Variants in SUPT3H observed in about 807,000 individuals in gnomAD.
The protein encoded by SUPT3H is SPT3 homolog, SAGA and STAGA complex component.
SUPT3H carries 44 observed loss-of-function variants against 44.3 expected under a neutral mutation model. That is an observed-to-expected ratio of 0.99 (90% CI 0.78 to 1.28). The LOEUF is 1.28. Ranked by LOEUF, SUPT3H falls within the 50% of genes most tolerant of loss-of-function variation. The probability of loss-of-function intolerance (pLI) is 0.00; values close to 1 mark genes in which losing one functional copy is unlikely to be tolerated. For missense variants in SUPT3H, 380 were observed against 387.1 expected (o/e 0.98, Z 0.15); for synonymous variants, 124 against 125.6 (o/e 0.99, Z 0.09).
intron 10 of SUPT3H, among the ~76,000 whole-genome samples, chr6:44,863,385 G>C (rs1774975509): frequency 6.6e-6 from 1 of 152,238 alleles, no homozygotes; most frequent in South Asian, 2.1e-4. Context: ...AAAAGCAACG[G>C]TGAGTTCTAG....
At chr6:45,334,142 T>C (rs559671933) in intron 2 of SUPT3H, among the ~76,000 whole-genome samples, 1 of 151,278 alleles carries the variant, frequency 6.6e-6, no homozygotes, top group African/African-American at 2.4e-5. Flanking sequence ...TTACATCAGA[T>C]TAGTGACATT....
intron 2 of SUPT3H, among the ~76,000 whole-genome samples, chr6:45,125,376 TC>T (rs1194099870): frequency 1.3e-5 from 2 of 152,224 alleles, no homozygotes; most frequent in Non-Finnish European, 2.9e-5. Context: ...ACATTTTTTT[TC>T]TACAATACTT....
At chr6:44,863,885 G>C (rs1307335350) in intron 10 of SUPT3H, among the ~76,000 whole-genome samples, 1 of 151,958 alleles carries the variant, frequency 6.6e-6, no homozygotes, top group Non-Finnish European at 1.5e-5. Context: ...TCAAACATCA[G>C]ATCTCGTGAC....
chr6:44,879,553 C>T (rs1777870135), intron 10 of SUPT3H, among the ~76,000 whole-genome samples: 2 of 151,982 alleles, frequency 1.3e-5, no homozygotes, highest in African/African-American at 4.8e-5. Context: ...CAGTGGATCT[C>T]CCAGCACAGC....
intron 10 of SUPT3H, among the ~76,000 whole-genome samples, chr6:44,889,005 T>A (rs559257598): frequency 8.5e-4 from 121 of 143,148 alleles, no homozygotes; most frequent in African/African-American, 3.0e-3. Context: ...ATGAGTGAAC[T>A]CCCATGCACA....
intron 3 of SUPT3H, among the ~76,000 whole-genome samples, chr6:45,104,728 T>C (rs932329083): frequency 1.3e-5 from 2 of 151,812 alleles, no homozygotes; most frequent in African/African-American, 4.8e-5. Context: ...TAACAAGAAA[T>C]GTGTGAAGCT....
At chr6:45,204,777 C>A (rs142829481) in intron 2 of SUPT3H, among the ~76,000 whole-genome samples, 5 of 152,106 alleles carry the variant, frequency 3.3e-5, no homozygotes, top group Admixed American at 3.3e-4. Context: ...AGGCTGAAAC[C>A]CAAAATCACC....
At chr6:44,984,582 G>C (rs1477658405) in intron 6 of SUPT3H, among the ~76,000 whole-genome samples, 1 of 152,040 alleles carries the variant, frequency 6.6e-6, no homozygotes, top group Non-Finnish European at 1.5e-5. Flanking sequence ...GCGATCCCCA[G>C]TCTCTACATG....
intron 10 of SUPT3H, among the ~76,000 whole-genome samples, chr6:44,837,736 C>T (rs1483444397): frequency 6.6e-6 from 1 of 152,162 alleles, no homozygotes; most frequent in Non-Finnish European, 1.5e-5. Flanking sequence ...TAAAACAACA[C>T]TGTGAAATTA....
intron 2 of SUPT3H, among the ~76,000 whole-genome samples, chr6:45,113,724 G>GA (rs1268647840): frequency 1.3e-5 from 2 of 151,880 alleles, no homozygotes; most frequent in African/African-American, 2.4e-5. Context: ...CAGCTACTTG[G>GA]GAGGTTGAGG....
intron 2 of SUPT3H, among the ~76,000 whole-genome samples, chr6:45,324,314 T>G (rs921589622): frequency 5.9e-5 from 9 of 152,014 alleles, no homozygotes; most frequent in Non-Finnish European, 8.8e-5. Flanking sequence ...CATAAAAGGA[T>G]TCAAGAAACA....
intron 10 of SUPT3H, among the ~76,000 whole-genome samples, chr6:44,877,573 C>T (rs140291359): frequency 6.6e-6 from 1 of 152,100 alleles, no homozygotes; most frequent in African/African-American, 2.4e-5. Context: ...AGTGTACTAC[C>T]AGGAAAACCC....
intron 2 of SUPT3H, among the ~76,000 whole-genome samples, chr6:45,116,524 G>A (rs1800868146): frequency 6.6e-6 from 1 of 152,122 alleles, no homozygotes; most frequent in African/African-American, 2.4e-5. Flanking sequence ...GCATCTTGGA[G>A]AGATATTTGT....
intron 10 of SUPT3H, among the ~76,000 whole-genome samples, chr6:44,886,713 C>T (rs1342808741): frequency 3.5e-4 from 53 of 152,184 alleles, no homozygotes; most frequent in South Asian, 3.1e-3. Flanking sequence ...CATCAACTAA[C>T]GAGCAAAATC....
rs1260271267 is a variant in SUPT3H at position 45,175,854 on chromosome 6, G to C, written c.102-69848C>G. On this transcript the variant is annotated intron_variant, in intron 2 of 10. Coordinates refer to ENST00000371459, the MANE Select transcript of SUPT3H (RefSeq NM_003599.4). ...CCATGATTCAAAGCTTCTCATTATAGATACCAGTTATTCTCATGTGACATC... is the reference window on the plus strand; with the variant it reads ...CCATGATTCAAAGCTTCTCATTATACATACCAGTTATTCTCATGTGACATC... Among the ~76,000 whole-genome samples the C allele has an allele frequency of 2.6e-5, 4 of 152,290 alleles. No individual in the cohort carries two copies. The East Asian group carries it at 5.8e-4, about 22-fold the overall frequency.
chr6:45,015,747 T>C (rs1185472788), intron 4 of SUPT3H, among the ~76,000 whole-genome samples: 1 of 152,024 alleles, frequency 6.6e-6, no homozygotes, highest in Non-Finnish European at 1.5e-5. Context: ...TTAAATTTCT[T>C]ATAGCTTTTT....
chr6:45,238,405 T>C (rs1251488903), intron 2 of SUPT3H, among the ~76,000 whole-genome samples: 1 of 152,194 alleles, frequency 6.6e-6, no homozygotes, highest in Non-Finnish European at 1.5e-5. Context: ...GGGACATTAA[T>C]TGGATATGAC....
intron 10 of SUPT3H, among the ~76,000 whole-genome samples, chr6:44,902,819 T>G (rs1222295873): frequency 2.6e-5 from 4 of 152,090 alleles, no homozygotes; most frequent in African/African-American, 7.2e-5. Context: ...ACAGAAATTA[T>G]AACAAACTGT....
chr6:45,198,041 T>C (rs1816374167), intron 2 of SUPT3H, among the ~76,000 whole-genome samples: 1 of 151,266 alleles, frequency 6.6e-6, no homozygotes, highest in African/African-American at 2.4e-5. Context: ...AAAAAATCTC[T>C]CAAAGTTCTC....
Sources: allele counts gnomAD v4.1 joint callset (sites outside exome capture counted in the v4.1 genomes callset), GRCh38; gene constraint gnomAD v4.1.1; transcripts MANE v1.5; gene names NCBI Gene and HGNC (gene_info 2026-07-23, HGNC 2026-07-21).